PRKG1: variants seen among roughly 807,000 people sequenced by gnomAD.
PRKG1 encodes the protein cGMP-dependent protein kinase 1.
In PRKG1, 35 loss-of-function variants were observed where a neutral mutation model predicts 88.1. That is an observed-to-expected ratio of 0.40 (90% CI 0.30 to 0.53). The LOEUF (loss-of-function observed/expected upper bound fraction) is 0.53, where lower values mean the gene tolerates loss of function less well. Ranked by LOEUF, PRKG1 falls within the 20% of genes least tolerant of loss-of-function variation. The pLI is 0.59. For missense variants in PRKG1, 540 were observed against 839.8 expected (o/e 0.64, Z 4.41); for synonymous variants, 303 against 292.5 (o/e 1.04, Z -0.37).
chr10:52,292,105 G>A (rs1265936339), intron 17 of PRKG1, among the ~76,000 whole-genome samples: 1 of 152,106 alleles, frequency 6.6e-6, no homozygotes, highest in Non-Finnish European at 1.5e-5. Context: ...TTTTGATGGG[G>A]TTGTTTGTTT....
At chr10:51,508,424 A>G (rs1195840835) in intron 3 of PRKG1, among the ~76,000 whole-genome samples, 1 of 152,192 alleles carries the variant, frequency 6.6e-6, no homozygotes, top group Non-Finnish European at 1.5e-5. Context: ...TATGCCATGC[A>G]TTAATGACAA....
At chr10:51,592,534 C>T (rs1209379881) in intron 3 of PRKG1, among the ~76,000 whole-genome samples, 1 of 152,158 alleles carries the variant, frequency 6.6e-6, no homozygotes, top group Non-Finnish European at 1.5e-5. Context: ...CATCTCCTGC[C>T]TGCCGTGATT....
At chr10:51,247,198 T>G (rs1839314647) in intron 2 of PRKG1, among the ~76,000 whole-genome samples, 1 of 152,026 alleles carries the variant, frequency 6.6e-6, no homozygotes, top group South Asian at 2.1e-4. Context: ...GTCAACTTTG[T>G]GTGTTAGAGC....
chr10:51,464,791 T>C lies in PRKG1; in HGVS notation c.479-2932T>C, dbSNP rs921611572. On this transcript the variant is annotated intron_variant, in intron 2 of 17. Coordinates refer to ENST00000373980, the MANE Select transcript of PRKG1 (RefSeq NM_006258.4). ...CTGTAGTCCCAGCTACTTGGGAGGC[T>C]GAGGCAGGAGAATGGCGTGAACCCG... Among the ~76,000 whole-genome samples, 12 of 146,674 alleles carry C rather than the reference T, an allele frequency of 8.2e-5. No homozygotes were observed. The South Asian group carries it at 2.4e-3, about 29-fold the overall frequency.
intron 1 of PRKG1, among the ~76,000 whole-genome samples, chr10:51,078,749 T>A (rs976683538): frequency 6.6e-6 from 1 of 151,884 alleles, no homozygotes; most frequent in Non-Finnish European, 1.5e-5. Context: ...CCTGAGTAGC[T>A]GGGACTACAG....
chr10:51,278,751 A>G (rs1486195218), intron 2 of PRKG1, among the ~76,000 whole-genome samples: 1 of 152,110 alleles, frequency 6.6e-6, no homozygotes, highest in Non-Finnish European at 1.5e-5. Context: ...AGAGGTGTTT[A>G]TAGTATTCTC....
chr10:51,888,645 G>A (rs1841633992), intron 4 of PRKG1, among the ~76,000 whole-genome samples: 1 of 152,122 alleles, frequency 6.6e-6, no homozygotes, highest in Non-Finnish European at 1.5e-5. Context: ...TAAGATTTTG[G>A]CAAATGAACT....
Position 51,963,341 on chromosome 10 carries a change from C to T in PRKG1, c.762+55771C>T, listed in dbSNP as rs540198145. 1.0e-3 allele frequency among the ~76,000 whole-genome samples: 156 copies of T among 152,148 alleles called. 1 individual carries two copies. The highest frequency in any genetic ancestry group is 3.4e-3 in the Middle Eastern group (1 of 294). On this transcript the variant is annotated intron_variant, in intron 5 of 17. Coordinates refer to ENST00000373980, the MANE Select transcript of PRKG1 (RefSeq NM_006258.4). ...TGTTCATTAAGATGATGATTTAGCA[C>T]GTGCTAAAGAAGCACATGCTAAAGC...
chr10:52,019,408 C>T (rs1289387863), intron 5 of PRKG1, among the ~76,000 whole-genome samples: 1 of 152,080 alleles, frequency 6.6e-6, no homozygotes, highest in Non-Finnish European at 1.5e-5. Context: ...GAAAGAAATT[C>T]CTGGGTTGTA....
chr10:51,602,135 G>A (rs774205845), intron 3 of PRKG1, among the ~76,000 whole-genome samples: 35 of 152,062 alleles, frequency 2.3e-4, no homozygotes, highest in Non-Finnish European at 4.4e-4. Flanking sequence ...TCCACAGTAA[G>A]ACATCATTCT....
chr10:52,092,990 T>A (rs1253108820), intron 7 of PRKG1, among the ~76,000 whole-genome samples: 1 of 152,158 alleles, frequency 6.6e-6, no homozygotes, highest in Non-Finnish European at 1.5e-5. Flanking sequence ...TGGTTTTGAA[T>A]CCCAATTATT....
intron 2 of PRKG1, among the ~76,000 whole-genome samples, chr10:51,172,555 CT>C (rs1229243188): frequency 1.3e-5 from 2 of 151,808 alleles, no homozygotes; most frequent in African/African-American, 4.8e-5. Flanking sequence ...TTGGCCCTGT[CT>C]TTTTTTCCAA....
chr10:51,884,731 G>A (rs1841527296), intron 4 of PRKG1, among the ~76,000 whole-genome samples: 1 of 152,116 alleles, frequency 6.6e-6, no homozygotes, highest in Admixed American at 6.5e-5. Flanking sequence ...TTTAGGATGA[G>A]ATTCTTTTCA....
chr10:51,644,205 A>G lies in PRKG1; in HGVS notation c.593-160380A>G, dbSNP rs144077295. Among the ~76,000 whole-genome samples the G allele has an allele frequency of 2.4e-3, 365 of 152,250 alleles. 2 individuals carry two copies. The highest frequency in any genetic ancestry group is 8.2e-3 in the African/African-American group (340 of 41,558). ...ATAGTTTAACATGTTTTTCTAACCTATCTCTGTAGTTTCTGTAAGTCGGAA... is the reference window on the plus strand; with the variant it reads ...ATAGTTTAACATGTTTTTCTAACCTGTCTCTGTAGTTTCTGTAAGTCGGAA... On this transcript the variant is annotated intron_variant, in intron 3 of 17. Transcript: ENST00000373980.
At chr10:51,822,292 T>C (rs1182623855) in intron 4 of PRKG1, among the ~76,000 whole-genome samples, 2 of 152,000 alleles carry the variant, frequency 1.3e-5, no homozygotes, top group Non-Finnish European at 2.9e-5. Flanking sequence ...ATTGAGGACA[T>C]TGTGCTAAGT....
chr10:51,702,933 G>A (rs377375355), intron 3 of PRKG1, among the ~76,000 whole-genome samples: 1 of 152,082 alleles, frequency 6.6e-6, no homozygotes, highest in African/African-American at 2.4e-5. Flanking sequence ...GAGCTCAAGC[G>A]ATCTGCTTGC....
chr10:51,866,330 T>G (rs1841014366), intron 4 of PRKG1, among the ~76,000 whole-genome samples: 1 of 152,076 alleles, frequency 6.6e-6, no homozygotes. Context: ...GGACTGCATT[T>G]GAAACCATAG....
At chr10:52,290,046 A>C (rs1441792344) in intron 16 of PRKG1, among the ~76,000 whole-genome samples, 178 bp from the exon 17 acceptor site, 1 of 152,218 alleles carries the variant, frequency 6.6e-6, no homozygotes, top group Non-Finnish European at 1.5e-5. Context: ...TACTTTTAAA[A>C]ATATGTATTT....
At chr10:51,324,635 G>C (rs1325636526) in intron 2 of PRKG1, among the ~76,000 whole-genome samples, 1 of 151,982 alleles carries the variant, frequency 6.6e-6, no homozygotes, top group Non-Finnish European at 1.5e-5. Context: ...CAGCTACTCG[G>C]GAGGCTGAGG....
Sources: allele counts gnomAD v4.1 joint callset (sites outside exome capture counted in the v4.1 genomes callset), GRCh38; gene constraint gnomAD v4.1.1; transcripts MANE v1.5; gene names NCBI Gene and HGNC (gene_info 2026-07-23, HGNC 2026-07-21).